USP50: variants seen among roughly 807,000 people sequenced by gnomAD.
The protein encoded by USP50 is ubiquitin carboxyl-terminal hydrolase 50.
In USP50, 37 loss-of-function variants were observed where a neutral mutation model predicts 39.2. The observed-to-expected ratio is 0.94, with a 90% CI of 0.73 to 1.24. USP50 has a LOEUF of 1.24. Ranked by LOEUF, USP50 falls within the 50% of genes most tolerant of loss-of-function variation. The probability of loss-of-function intolerance (pLI) is 0.00; values close to 1 mark genes in which losing one functional copy is unlikely to be tolerated. For synonymous variants in USP50, 139 were observed against 144.5 expected, an observed-to-expected ratio of 0.96 and a Z score of 0.27; for missense variants, 374 against 398.2, an observed-to-expected ratio of 0.94 and a Z score of 0.52.
At chr15:50,493,414 C>G, downstream of USP50, 1 of 519,062 alleles carries the variant, frequency 1.9e-6, no homozygotes, top group South Asian at 1.4e-5. Context: ...TACCACTCAG[C>G]TCCAGAAAAG....
At chr15:50,514,774 T>C (rs1364206175) in intron 6 of USP50, among the ~76,000 whole-genome samples, 8 of 152,102 alleles carry the variant, frequency 5.3e-5, no homozygotes, top group African/African-American at 1.9e-4. Flanking sequence ...GTGATCTGCT[T>C]GCCTCAGCCT....
intron 6 of USP50, among the ~76,000 whole-genome samples, chr15:50,522,594 A>G (rs1391553270): frequency 6.6e-6 from 1 of 152,226 alleles, no homozygotes; most frequent in Admixed American, 6.5e-5. Context: ...TTACAAGGCA[A>G]GAGCCCTGAT....
At chr15:50,543,056 T>C (rs1329605401) in intron 3 of USP50, among the ~76,000 whole-genome samples, 2 of 152,202 alleles carry the variant, frequency 1.3e-5, no homozygotes, top group African/African-American at 2.4e-5. Flanking sequence ...ATGAAATGTA[T>C]GTCCTAATTC....
At chr15:50,532,412 C>T (rs576527772) in intron 5 of USP50, among the ~76,000 whole-genome samples, 13 of 152,176 alleles carry the variant, frequency 8.5e-5, no homozygotes, top group South Asian at 2.1e-4. Flanking sequence ...TCCACCGAAG[C>T]GGGTGTGGAG....
At chr15:50,543,160 C>T (rs1168630474) in intron 3 of USP50, among the ~76,000 whole-genome samples, 1 of 152,152 alleles carries the variant, frequency 6.6e-6, no homozygotes, top group Non-Finnish European at 1.5e-5. Flanking sequence ...TTAATATTTT[C>T]ATGGATTTGT....
At chr15:50,495,833 T>A (rs1390187683), downstream of USP50, 2 of 1,585,828 alleles carry the variant, frequency 1.3e-6, no homozygotes, top group Non-Finnish European at 1.7e-6. Context: ...AGAGCTTAAA[T>A]CATTTTATTT....
chr15:50,537,993 C>G (rs960339091), intron 5 of USP50, among the ~76,000 whole-genome samples: 2 of 143,736 alleles, frequency 1.4e-5, no homozygotes, highest in East Asian at 4.3e-4. Context: ...AACCAACAAC[C>G]TGGCCAGGCG....
downstream of USP50, chr15:50,493,869 G>A (rs147633049): frequency 1.5e-3 from 1,131 of 731,510 alleles, 10 homozygotes; most frequent in East Asian, 0.012. Context: ...TGCAGGGCTT[G>A]CAGCCAAAAG....
chr15:50,498,872 T>C, downstream of USP50: 1 of 1,567,688 alleles, frequency 6.4e-7, no homozygotes, highest in Non-Finnish European at 8.6e-7. Context: ...TTTAACTGAA[T>C]TGATTTTTTT....
In USP50 at chr15:50,538,716, G is replaced by A; in HGVS notation, c.796C>T (p.Leu266=). 3 of 1,583,908 alleles carry A rather than the reference G, an allele frequency of 1.9e-6. No homozygotes were observed. The Admixed American group carries it at 5.6e-5, about 29-fold the overall frequency. The change falls in exon 5 of 7, where the codon CTA becomes TTA. Residue 266 remains leucine, a synonymous_variant. Transcript: ENST00000532404. ...AAATGTAAAAATCCATACCTTTTTA[G>A]GTGGAAAATAATTATTTTTGGTGCT... ...SKAPKIIIFH[L]KRFDIQGTTK...
At chr15:50,525,558 A>ATATATGTATATATGTATATG (rs2052883895) in intron 6 of USP50, among the ~76,000 whole-genome samples, 8 of 107,282 alleles carry the variant, frequency 7.5e-5, no homozygotes, top group African/African-American at 2.3e-4. Flanking sequence ...ATATATGTGT[A>ATATATGTATATATGTATATG]TATATGTATA....
intron 6 of USP50, chr15:50,503,836 A>G (rs1057157729): frequency 1.3e-5 from 2 of 152,252 alleles, no homozygotes; most frequent in African/African-American, 4.8e-5. Context: ...ACAATTCAAA[A>G]TAATAGAACA....
At chr15:50,541,612 A>G (rs1208056213) in intron 3 of USP50, among the ~76,000 whole-genome samples, 1 of 152,166 alleles carries the variant, frequency 6.6e-6, no homozygotes, top group Non-Finnish European at 1.5e-5. Flanking sequence ...TTCAGACAAT[A>G]GAGTAAGATA....
At chr15:50,531,954 A>G in intron 5 of USP50, 3 of 354,336 alleles carry the variant, frequency 8.5e-6, no homozygotes, top group South Asian at 6.6e-5. Context: ...CACAGGACAA[A>G]CCACTGCCCC....
At chr15:50,525,586 G>A (rs868220845) in intron 6 of USP50, among the ~76,000 whole-genome samples, 3 of 126,138 alleles carry the variant, frequency 2.4e-5, no homozygotes, top group South Asian at 2.4e-4. Flanking sequence ...ATGTATATAT[G>A]TATATGTATA....
At position 50,541,039 on chromosome 15, in the gene USP50, G is replaced by C. The variant is rs539974723; in HGVS notation, c.660+10C>G. ...GCGAGACAAAGTGTCCAGGAATACT[G>C]CATTCCTACCCGAAGGGAGCATTCA... is the stretch of plus-strand genomic sequence containing the variant. On this transcript the variant is annotated intron_variant, in intron 4 of 6. Transcript: ENST00000532404. 2 of 1,605,360 alleles carry C rather than the reference G, an allele frequency of 1.2e-6. No homozygotes were observed. Among genetic ancestry groups the C allele is most frequent in the South Asian group, 2.2e-5 (2 of 90,810 alleles).
intron 6 of USP50, among the ~76,000 whole-genome samples, chr15:50,514,614 C>G (rs546421339): frequency 6.6e-6 from 1 of 152,190 alleles, no homozygotes; most frequent in Non-Finnish European, 1.5e-5. Flanking sequence ...TCACTGCAAC[C>G]TCCGCCTCCT....
downstream of USP50, chr15:50,499,036 A>G: frequency 6.2e-7 from 1 of 1,613,850 alleles, no homozygotes; most frequent in East Asian, 2.2e-5. Context: ...TCAGCAGCTT[A>G]TATCCTCTTT....
chr15:50,495,275 T>C (rs936483204), intron 1 of USP50, among the ~76,000 whole-genome samples: 2 of 7,790 alleles, frequency 2.6e-4, no homozygotes, highest in African/African-American at 8.6e-4. Flanking sequence ...TATACACATA[T>C]ATATACACAT....
Sources: gnomAD v4.1 joint callset for allele counts (sites outside exome capture counted in the v4.1 genomes callset) on GRCh38, gnomAD v4.1.1 for gene constraint, MANE v1.5 for transcripts, NCBI Gene and HGNC (gene_info 2026-07-23, HGNC 2026-07-21) for gene names.